Variants in INTS9 observed in about 807,000 individuals in gnomAD.
The protein encoded by INTS9 is protein related to CPSF subunits of 74 kDa.
In INTS9, 55 loss-of-function variants were observed where a neutral mutation model predicts 79.7. The observed-to-expected ratio is 0.69, with a 90% CI of 0.56 to 0.86. INTS9 has a LOEUF of 0.86. Ranked by LOEUF, INTS9 falls within the 40% of genes least tolerant of loss-of-function variation. The probability of loss-of-function intolerance (pLI) is 0.00; values close to 1 mark genes in which losing one functional copy is unlikely to be tolerated. For missense variants in INTS9, 721 were observed against 831.5 expected (o/e 0.87, Z 1.64); for synonymous variants, 319 against 325.2 (o/e 0.98, Z 0.20).
At chr8:28,841,911 C>A (rs1025770681) in intron 4 of INTS9, among the ~76,000 whole-genome samples, 1 of 152,080 alleles carries the variant, frequency 6.6e-6, no homozygotes, top group Non-Finnish European at 1.5e-5. Flanking sequence ...CATAGTGAGA[C>A]CATGTCTCTA....
chr8:28,819,007 A>AT (rs1156593227), intron 6 of INTS9, among the ~76,000 whole-genome samples: 1 of 151,970 alleles, frequency 6.6e-6, no homozygotes, highest in African/African-American at 2.4e-5. Context: ...TATCCCCTTT[A>AT]TCATTTTTTA....
At chr8:28,848,809 A>G (rs1029392699) in intron 3 of INTS9, among the ~76,000 whole-genome samples, 11 of 152,150 alleles carry the variant, frequency 7.2e-5, no homozygotes, top group African/African-American at 2.7e-4. Flanking sequence ...ATGTCACTGT[A>G]TTTTATTCAC....
At chr8:28,791,932 CA>C (rs1803941070) in intron 10 of INTS9, among the ~76,000 whole-genome samples, 1 of 152,078 alleles carries the variant, frequency 6.6e-6, no homozygotes, top group South Asian at 2.1e-4. Context: ...TTTGTGGACT[CA>C]AAAAGATATT....
At chr8:28,861,451 G>C (rs1047529223) in intron 1 of INTS9, among the ~76,000 whole-genome samples, 1 of 152,150 alleles carries the variant, frequency 6.6e-6, no homozygotes, top group Non-Finnish European at 1.5e-5. Flanking sequence ...GAAAAAATCA[G>C]ATATTCAGAA....
chr8:28,875,813 T>C (rs1388290263), intron 1 of INTS9, among the ~76,000 whole-genome samples: 1 of 152,244 alleles, frequency 6.6e-6, no homozygotes, highest in Non-Finnish European at 1.5e-5. Flanking sequence ...GATCTATGTC[T>C]TATTCATCTT....
chr8:28,832,368 C>T (rs990035257), intron 6 of INTS9, among the ~76,000 whole-genome samples: 5 of 152,184 alleles, frequency 3.3e-5, no homozygotes, highest in East Asian at 3.8e-4. Context: ...TGTGAAGCCA[C>T]GCCCACACCA....
intron 12 of INTS9, among the ~76,000 whole-genome samples, chr8:28,778,425 T>C (rs910933333): frequency 2.0e-5 from 3 of 152,112 alleles, no homozygotes; most frequent in Admixed American, 6.5e-5. Context: ...AAAACTGACT[T>C]CACAGTGGAG....
chr8:28,843,494 T>C (rs1331360713), intron 4 of INTS9, among the ~76,000 whole-genome samples: 1 of 152,250 alleles, frequency 6.6e-6, no homozygotes, highest in Non-Finnish European at 1.5e-5. Context: ...TCCTGTTATC[T>C]TGACATTTTT....
Position 28,879,021 on chromosome 8 carries a change from T to C in INTS9, c.9+10853A>G, listed in dbSNP as rs556579339. On this transcript the variant is annotated intron_variant, in intron 1 of 16. Transcript: ENST00000521022. ...AAGAGGAAATAATACTAATTCTTCA[T>C]ACACTCTTGTAGAACATAGAGGAGG... Among the ~76,000 whole-genome samples the C allele has an allele frequency of 2.5e-4, 38 of 152,136 alleles. No individual in the cohort carries two copies. In the Middle Eastern group the frequency reaches 0.024, roughly 95 times the overall value.
intron 8 of INTS9, among the ~76,000 whole-genome samples, chr8:28,811,787 A>G (rs1261672795): frequency 6.6e-6 from 1 of 152,132 alleles, no homozygotes; most frequent in African/African-American, 2.4e-5. Flanking sequence ...TGGGCACCCA[A>G]TCTAAACCAA....
In INTS9 at chr8:28,781,049, GAACCAA is replaced by G; in HGVS notation, c.1099-61_1099-56del. 8.9e-6 allele frequency: 13 copies of G among 1,452,838 alleles called. No individual in the cohort carries two copies. In the South Asian group the frequency reaches 1.5e-4, roughly 17 times the overall value. The allele number at this position is 1,452,838 out of a possible 1,614,324, so 90.0% of individuals were successfully genotyped here. ...TGTGAGCCTGCCCAGGCTGAAGGGG[GAACCAA>G]AGTACGGGAGGGTGAGCGGGACTGG... On this transcript the variant is annotated intron_variant, in intron 11 of 16. Transcript: ENST00000521022.
In INTS9 at chr8:28,801,124, G is replaced by A. The variant is rs1274740465; in HGVS notation, c.745-4469C>T. ...ATTGCAGAAACAGCAAAACATTTGG[G>A]GAAATTCAGGGGGAAGAAATCATTA... On this transcript the variant is annotated intron_variant, in intron 8 of 16. Coordinates refer to ENST00000521022, the MANE Select transcript of INTS9 (RefSeq NM_018250.4). Among the ~76,000 whole-genome samples the A allele has an allele frequency of 2.6e-5, 4 of 152,144 alleles. No homozygotes were observed. In the East Asian group the frequency reaches 7.7e-4, roughly 29 times the overall value.
At chr8:28,857,280 A>T (rs985600305) in intron 2 of INTS9, among the ~76,000 whole-genome samples, 1 of 152,240 alleles carries the variant, frequency 6.6e-6, no homozygotes, top group Non-Finnish European at 1.5e-5. Flanking sequence ...TCCAAAGTAT[A>T]CAGAGAAAGA....
chr8:28,808,474 G>A (rs553413669), intron 8 of INTS9, among the ~76,000 whole-genome samples: 9 of 152,216 alleles, frequency 5.9e-5, no homozygotes, highest in South Asian at 4.2e-4. Context: ...GTGTGCCACC[G>A]TGCCCGGTTA....
intron 3 of INTS9, 99 bp from the exon 4 acceptor site, chr8:28,846,908 T>C (rs1159430635): frequency 4.5e-6 from 4 of 885,842 alleles, no homozygotes; most frequent in South Asian, 1.4e-5. Flanking sequence ...TGAAGAATCA[T>C]AGACTACTAG....
rs80317168 is a variant in INTS9 at position 28,877,760 on chromosome 8, T to C, written c.9+12114A>G. On this transcript the variant is annotated intron_variant, in intron 1 of 16. Coordinates refer to ENST00000521022, the MANE Select transcript of INTS9 (RefSeq NM_018250.4). ...TATTTTTGAGATATATTGACACTAG[T>C]TTCATAATTATGTTTTAAATCAACA... Among the ~76,000 whole-genome samples the C allele has an allele frequency of 4.7e-3, 709 of 152,304 alleles. 6 individuals are homozygous for C. Among genetic ancestry groups the C allele is most frequent in the African/African-American group, 0.016 (666 of 41,576 alleles).
At chr8:28,868,053 C>G (rs950816869) in intron 1 of INTS9, among the ~76,000 whole-genome samples, 1 of 152,120 alleles carries the variant, frequency 6.6e-6, no homozygotes, top group African/African-American at 2.4e-5. Flanking sequence ...GCATACACAC[C>G]GTGTTACACA....
chr8:28,850,156 A>G (rs1464976369), intron 3 of INTS9, 57 bp downstream of exon 3: 26 of 1,420,736 alleles, frequency 1.8e-5, no homozygotes, highest in Non-Finnish European at 2.6e-5. Context: ...CTCTGGTATG[A>G]GAAGATAGCT....
intron 15 of INTS9, 138 bp from the exon 16 acceptor site, chr8:28,770,164 G>A (rs1802448857): frequency 1.3e-5 from 14 of 1,115,152 alleles, no homozygotes; most frequent in Admixed American, 2.8e-5. Context: ...CCGGCACTCG[G>A]TTCAGGTTCC....
Sources: gnomAD v4.1 joint callset for allele counts (sites outside exome capture counted in the v4.1 genomes callset) on GRCh38, gnomAD v4.1.1 for gene constraint, MANE v1.5 for transcripts, NCBI Gene and HGNC (gene_info 2026-07-23, HGNC 2026-07-21) for gene names.